The following TMEM185B variants were observed in gnomAD, a reference collection of about 807,000 sequenced individuals.
TMEM185B encodes transmembrane protein 185B, also known as ee3_2.
TMEM185B carries 9 observed loss-of-function variants against 26.2 expected under a neutral mutation model. That is an observed-to-expected ratio of 0.34 (90% CI 0.21 to 0.60). The LOEUF is 0.60. TMEM185B is among the 20% of genes least tolerant of loss of function. TMEM185B has a pLI of 0.80. For synonymous variants in TMEM185B, 204 were observed against 191.8 expected (o/e 1.06, Z -0.52); for missense variants, 392 against 447.9 (o/e 0.88, Z 1.13).
chr2:120,222,588 C>G lies in TMEM185B; in HGVS notation c.389G>C (p.Cys130Ser). ...CCTATCGTGTCGAAAGCCCCAGACG[C>G]AGGCAGCCACGGACACGGGGGACAC... ...FFVSPVSVAA[C>S]VWGFRHDRSL... is the part of the protein sequence containing the mutation. The change falls in exon 1 of 1, where the codon TGC becomes TCC. Residue 130 changes from cysteine (C) to serine (S), a missense_variant. Physicochemically the swap from Cys to Ser is moderately radical, Grantham distance 112. This residue lies in a region of TMEM185B where 41 missense variants were observed against 77.3 expected (regional missense o/e 0.53). Coordinates refer to ENST00000426077, the MANE Select transcript of TMEM185B (RefSeq NM_024121.3). 1 of 1,536,472 alleles carries G rather than the reference C, an allele frequency of 6.5e-7. No individual in the cohort carries two copies. The highest frequency in any genetic ancestry group is 1.2e-5 in the South Asian group (1 of 84,068).
At position 120,222,735 on chromosome 2, in the gene TMEM185B, A is replaced by G; in HGVS notation, c.242T>C (p.Phe81Ser). Residue 81 changes from phenylalanine (F) to serine (S), a missense_variant, in exon 1 of 1, where the codon TTC becomes TCC. This residue lies in a region of TMEM185B where 175 missense variants were observed against 169.1 expected (regional missense o/e 1.03). Transcript: ENST00000426077. ...YRTEGEACVE[F>S]KAMLIAVGIH... is the part of the protein sequence containing the mutation. ...GCCCACAGCGATCAGCATGGCTTTG[A>G]ACTCCACACAGGCCTCTCCCTCGGT... is the stretch of plus-strand genomic sequence containing the variant. The G allele has an allele frequency of 6.5e-7, 1 of 1,536,432 alleles. No individual in the cohort carries two copies. Among genetic ancestry groups the G allele is most frequent in the South Asian group, 1.2e-5 (1 of 84,082 alleles).
Position 120,221,847 on chromosome 2 carries a change from A to G in TMEM185B, c.*77T>C, listed in dbSNP as rs953283356. On this transcript the variant is annotated 3_prime_UTR_variant, in exon 1 of 1. Transcript: ENST00000426077. ...AGACGAGTGTTTGAAGCCTGTTTCCATTTCCAGGTTTGGGATGAATGAACA... is the reference window on the plus strand; with the variant it reads ...AGACGAGTGTTTGAAGCCTGTTTCCGTTTCCAGGTTTGGGATGAATGAACA... 4 of 1,214,348 alleles carry G rather than the reference A, an allele frequency of 3.3e-6. No individual in the cohort carries two copies. The African/African-American group carries it at 6.1e-5, about 19-fold the overall frequency. 75.2% of individuals were successfully genotyped at this position (1,214,348 alleles called of 1,614,324 possible). A position where few individuals can be genotyped will look rare whatever the true frequency, so the allele number is the denominator to read the frequency against.
chr2:120,217,920 CTT>C lies in TMEM185B; in HGVS notation c.*4002_*4003del. On this transcript the variant is annotated 3_prime_UTR_variant, in exon 1 of 1. Transcript: ENST00000426077. ...GATGAAGCAGCTTGGCATTGCCTCT[CTT>C]TTCTCCTAGGGAAGGGATAAACCAC... Among the ~76,000 whole-genome samples, 1 of 152,292 alleles carries C rather than the reference CTT, an allele frequency of 6.6e-6. No individual in the cohort carries two copies. Among genetic ancestry groups the C allele is most frequent in the South Asian group, 2.1e-4 (1 of 4,822 alleles).
Position 120,220,706 on chromosome 2 carries a change from G to A in TMEM185B, c.*1218C>T, listed in dbSNP as rs987423351. ...ATCAAGATTGTGCCATTGCACTCCA[G>A]CCTGGGCAACAAGAGTGAAACTCTG... is the stretch of plus-strand genomic sequence containing the variant. On this transcript the variant is annotated 3_prime_UTR_variant, in exon 1 of 1. Coordinates refer to ENST00000426077, the MANE Select transcript of TMEM185B (RefSeq NM_024121.3). 6.6e-5 allele frequency among the ~76,000 whole-genome samples: 10 copies of A among 152,324 alleles called. No homozygotes were observed. The South Asian group carries it at 1.2e-3, about 19-fold the overall frequency.
Position 120,222,778 on chromosome 2 carries a change from G to A in TMEM185B, c.199C>T (p.Arg67Cys), listed in dbSNP as rs761029807. The A allele has an allele frequency of 3.3e-6, 5 of 1,535,076 alleles. No individual in the cohort carries two copies. Among genetic ancestry groups the A allele is most frequent in the East Asian group, 4.9e-5 (2 of 40,886 alleles). ...CCCTCGGTGCGGTAGCGAGGGTTGCGGGCCCAAACGCCCGCGCCCACGGAG... is the reference window on the plus strand; with the variant it reads ...CCCTCGGTGCGGTAGCGAGGGTTGCAGGCCCAAACGCCCGCGCCCACGGAG... ...GASVGAGVWA[R>C]NPRYRTEGEA... The change falls in exon 1 of 1, where the codon CGC (arginine) becomes TGC (cysteine). Residue 67 changes from arginine to cysteine, a missense_variant. Arg to Cys is a radical substitution (Grantham distance 180). This residue lies in a region of TMEM185B where 175 missense variants were observed against 169.1 expected (regional missense o/e 1.03). Transcript: ENST00000426077.
chr2:120,222,644 G>C lies in TMEM185B; in HGVS notation c.333C>G (p.Phe111Leu). The C allele has an allele frequency of 6.5e-7, 1 of 1,536,536 alleles. No homozygotes were observed. ...AGAGAGGCATGAAGACCAGCAGCCA[G>C]AAGTGGGTGCCCCTCTCCACCCTGT... Reference protein sequence around the residue: ...VCDRVERGTHFWLLVFMPLFF... With the variant: ...VCDRVERGTHLWLLVFMPLFF... The change falls in exon 1 of 1, where the codon TTC (phenylalanine) becomes TTG (leucine). Residue 111 changes from phenylalanine to leucine, a missense_variant. Phe to Leu is a conservative substitution (Grantham distance 22, BLOSUM62 0). Coordinates refer to ENST00000426077, the MANE Select transcript of TMEM185B (RefSeq NM_024121.3).
Position 120,222,680 on chromosome 2 carries a change from G to A in TMEM185B, c.297C>T (p.Val99=). ...GIHLLLLMFE[V]LVCDRVERGT... is the part of the protein sequence containing the mutation. ...CCCTCTCCACCCTGTCGCAGACCAGGACTTCGAACATGAGCAGCAGCAGGT... is the reference window on the plus strand; with the variant it reads ...CCCTCTCCACCCTGTCGCAGACCAGAACTTCGAACATGAGCAGCAGCAGGT... The change falls in exon 1 of 1, where the codon GTC becomes GTT. Residue 99 remains valine, a synonymous_variant. Coordinates refer to ENST00000426077, the MANE Select transcript of TMEM185B (RefSeq NM_024121.3). 6.5e-7 allele frequency: 1 copy of A among 1,536,546 alleles called. No homozygotes were observed. Among genetic ancestry groups the A allele is most frequent in the Non-Finnish European group, 8.7e-7 (1 of 1,147,016 alleles).
Position 120,218,724 on chromosome 2 carries a change from C to T in TMEM185B, c.*3200G>A, listed in dbSNP as rs1688538241. Among the ~76,000 whole-genome samples, 1 of 152,256 alleles carries T rather than the reference C, an allele frequency of 6.6e-6. No homozygotes were observed. Among genetic ancestry groups the T allele is most frequent in the Non-Finnish European group, 1.5e-5 (1 of 68,046 alleles). ...GGAATGCAGGGTCTTTCTCATCTCA[C>T]CTCAAATCCCCAACAGATCCCTTCT... On this transcript the variant is annotated 3_prime_UTR_variant, in exon 1 of 1. Coordinates refer to ENST00000426077, the MANE Select transcript of TMEM185B (RefSeq NM_024121.3).
rs1020318558 is a variant in TMEM185B at position 120,221,011 on chromosome 2, C to A, written c.*913G>T. The stretch of plus-strand genomic sequence containing the variant: ...TTGCTTATTTCCACACAGTTACTAC[C>A]TGTGTGGAAAAATTCAAGTTGCTAA... On this transcript the variant is annotated 3_prime_UTR_variant, in exon 1 of 1. Transcript: ENST00000426077. 2.6e-5 allele frequency among the ~76,000 whole-genome samples: 4 copies of A among 152,310 alleles called. No homozygotes were observed. The highest frequency in any genetic ancestry group is 1.3e-4 in the Admixed American group (2 of 15,298).
chr2:120,222,686 G>C lies in TMEM185B; in HGVS notation c.291C>G (p.Phe97Leu). Reference sequence around the variant, plus strand: ...CCACCCTGTCGCAGACCAGGACTTCGAACATGAGCAGCAGCAGGTGGATGC... The same window carrying C: ...CCACCCTGTCGCAGACCAGGACTTCCAACATGAGCAGCAGCAGGTGGATGC... ...AVGIHLLLLM[F>L]EVLVCDRVER... Residue 97 changes from phenylalanine to leucine, a missense_variant, in exon 1 of 1, where the codon TTC becomes TTG. Transcript: ENST00000426077. The C allele has an allele frequency of 6.5e-7, 1 of 1,536,534 alleles. No homozygotes were observed. Among genetic ancestry groups the C allele is most frequent in the Non-Finnish European group, 8.7e-7 (1 of 1,146,996 alleles).
At position 120,219,444 on chromosome 2, in the gene TMEM185B, A is replaced by G. The variant is rs945035288; in HGVS notation, c.*2480T>C. On this transcript the variant is annotated 3_prime_UTR_variant, in exon 1 of 1. Transcript: ENST00000426077. The stretch of plus-strand genomic sequence containing the variant: ...CCACACTAGATGCTGGCTTTCCAAC[A>G]CCAGATAGCTTGGGGGAAGAGGAAG... Among the ~76,000 whole-genome samples the G allele has an allele frequency of 5.9e-5, 9 of 152,024 alleles. No individual in the cohort carries two copies. Among genetic ancestry groups the G allele is most frequent in the Admixed American group, 4.6e-4 (7 of 15,270 alleles).
At position 120,221,758 on chromosome 2, in the gene TMEM185B, A is replaced by C; in HGVS notation, c.*166T>G. ...ACCCAGGTACACATCACACACACCC[A>C]CATACTGAAACCACCTCCATCTATG... On this transcript the variant is annotated 3_prime_UTR_variant, in exon 1 of 1. Transcript: ENST00000426077. The C allele has an allele frequency of 1.6e-6, 1 of 644,918 alleles. No homozygotes were observed. The allele number at this position is 644,918 out of a possible 1,614,324, so 39.9% of individuals were successfully genotyped here.
At position 120,218,787 on chromosome 2, in the gene TMEM185B, A is replaced by G. The variant is rs2104549211; in HGVS notation, c.*3137T>C. 6.6e-6 allele frequency among the ~76,000 whole-genome samples: 1 copy of G among 152,348 alleles called. No homozygotes were observed. Among genetic ancestry groups the G allele is most frequent in the Admixed American group, 6.5e-5 (1 of 15,310 alleles). ...TTTTAAAAATTTCAGGATATTCGTA[A>G]AGCACACGGGAAACAAATCATGGAT... On this transcript the variant is annotated 3_prime_UTR_variant, in exon 1 of 1. Coordinates refer to ENST00000426077, the MANE Select transcript of TMEM185B (RefSeq NM_024121.3).
In TMEM185B at chr2:120,221,813, C is replaced by T; in HGVS notation, c.*111G>A. On this transcript the variant is annotated 3_prime_UTR_variant, in exon 1 of 1. Transcript: ENST00000426077. The stretch of plus-strand genomic sequence containing the variant: ...ATACTGATGAGGCGGTGATCTCAAA[C>T]ACGGCGTGAGACGAGTGTTTGAAGC... 1 of 905,448 alleles carries T rather than the reference C, an allele frequency of 1.1e-6. No homozygotes were observed. The allele number at this position is 905,448 out of a possible 1,614,324, so 56.1% of individuals were successfully genotyped here.
In TMEM185B at chr2:120,222,859, A is replaced by G. The variant is rs1321113241; in HGVS notation, c.118T>C (p.Tyr40His). 1.3e-6 allele frequency: 2 copies of G among 1,486,524 alleles called. No homozygotes were observed. Among genetic ancestry groups the G allele is most frequent in the South Asian group, 1.3e-5 (1 of 75,480 alleles). The allele number at this position is 1,486,524 out of a possible 1,614,324, so 92.1% of individuals were successfully genotyped here. ...LRLDGIIQWSYWAVFAPIWLW... is the reference protein window; with the variant it reads ...LRLDGIIQWSHWAVFAPIWLW... ...CATATGGGGGCAAAGACGGCCCAGT[A>G]GCTCCATTGGATGATGCCGTCCAGG... The change falls in exon 1 of 1, where the codon TAC becomes CAC. Residue 40 changes from tyrosine (Y) to histidine (H), a missense_variant. Transcript: ENST00000426077.
In TMEM185B at chr2:120,223,379, C is replaced by G. The variant is rs775095457; in HGVS notation, c.-403G>C. On this transcript the variant is annotated 5_prime_UTR_variant, in exon 1 of 1. Coordinates refer to ENST00000426077, the MANE Select transcript of TMEM185B (RefSeq NM_024121.3). ...CTTGGGCGGACGCTTCCAGGCGACTCCGGGAACATGGAGGCGGGAGTGAGC... is the reference window on the plus strand; with the variant it reads ...CTTGGGCGGACGCTTCCAGGCGACTGCGGGAACATGGAGGCGGGAGTGAGC... 83 of 158,538 alleles carry G rather than the reference C, an allele frequency of 5.2e-4. No homozygotes were observed. Among genetic ancestry groups the G allele is most frequent in the Non-Finnish European group, 7.7e-4 (56 of 72,628 alleles). 9.8% of individuals were successfully genotyped at this position (158,538 alleles called of 1,614,324 possible).
chr2:120,222,395 G>C lies in TMEM185B; in HGVS notation c.582C>G (p.Leu194=). ...CCACATCCAGGGACCGCAGGAACAG[G>C]AGGGACCAGACGATGTAATAGAGGA... The part of the protein sequence containing the change: ...LVVLYYIVWS[L]LFLRSLDVVA... Residue 194 remains leucine (L), a synonymous_variant, in exon 1 of 1, where the codon CTC becomes CTG. Coordinates refer to ENST00000426077, the MANE Select transcript of TMEM185B (RefSeq NM_024121.3). 6.5e-7 allele frequency: 1 copy of C among 1,536,258 alleles called. No individual in the cohort carries two copies. Among genetic ancestry groups the C allele is most frequent in the Non-Finnish European group, 8.7e-7 (1 of 1,146,926 alleles).
In TMEM185B at chr2:120,221,663, C is replaced by A; in HGVS notation, c.*261G>T. ...GCTGTGTGGTTATTCCTTTTGAGGACCTACTAAAACAATTCGACTTACTGC... is the reference window on the plus strand; with the variant it reads ...GCTGTGTGGTTATTCCTTTTGAGGAACTACTAAAACAATTCGACTTACTGC... On this transcript the variant is annotated 3_prime_UTR_variant, in exon 1 of 1. Coordinates refer to ENST00000426077, the MANE Select transcript of TMEM185B (RefSeq NM_024121.3). 2.1e-6 allele frequency: 1 copy of A among 478,674 alleles called. No individual in the cohort carries two copies. The highest frequency in any genetic ancestry group is 3.4e-5 in the East Asian group (1 of 29,296). The allele number at this position is 478,674 out of a possible 1,614,324, so 29.7% of individuals were successfully genotyped here. A position where few individuals can be genotyped will look rare whatever the true frequency, so the allele number is the denominator to read the frequency against.
rs1688534889 is a variant in TMEM185B at position 120,218,446 on chromosome 2, C to T, written c.*3478G>A. Among the ~76,000 whole-genome samples the T allele has an allele frequency of 6.6e-6, 1 of 152,240 alleles. No individual in the cohort carries two copies. The highest frequency in any genetic ancestry group is 2.4e-5 in the African/African-American group (1 of 41,464). ...CCTGTGAACTTGCTGGGCTTCATCC[C>T]ATCTTTCCTGCCCGGCTGAATGACC... On this transcript the variant is annotated 3_prime_UTR_variant, in exon 1 of 1. Coordinates refer to ENST00000426077, the MANE Select transcript of TMEM185B (RefSeq NM_024121.3).
Sources: allele counts gnomAD v4.1 joint callset (sites outside exome capture counted in the v4.1 genomes callset), GRCh38; gene constraint gnomAD v4.1.1; regional missense constraint gnomAD v4.1.1; transcripts MANE v1.5; gene names NCBI Gene and HGNC (gene_info 2026-07-23, HGNC 2026-07-21).